KMT2A: variants seen among roughly 807,000 people sequenced by gnomAD.
The protein encoded by KMT2A is lysine methyltransferase 2A, also known as histone-lysine N-methyltransferase 2A.
In KMT2A, 16 loss-of-function variants were observed where a neutral mutation model predicts 345.3. The ratio of observed to expected loss-of-function variants is 0.05; its 90% CI spans 0.03 to 0.07. The LOEUF (loss-of-function observed/expected upper bound fraction) is 0.07. Among genes scored for constraint, KMT2A ranks in the 10% least tolerant of loss-of-function variants. The pLI is 1.00. For synonymous variants in KMT2A, 1,599 were observed against 1,778.6 expected, an observed-to-expected ratio of 0.90 and a Z score of 2.54; for missense variants, 3,272 against 4,841.6, an observed-to-expected ratio of 0.68 and a Z score of 9.62.
intron 28 of KMT2A, among the ~76,000 whole-genome samples, chr11:118,508,760 T>C (rs1950633520): frequency 6.6e-6 from 1 of 152,006 alleles, no homozygotes; most frequent in Non-Finnish European, 1.5e-5. Context: ...TTGTGGTTTA[T>C]AAGCTCATGC....
rs1347189300 is a variant in KMT2A, at chr11:118,501,680, T to C, written c.6328T>C (p.Ser2110Pro). 7.5e-6 allele frequency: 12 copies of C among 1,609,554 alleles called. No homozygotes were observed. The African/African-American group carries it at 1.6e-4, about 22-fold the overall frequency. Reference protein sequence around the residue: ...HSPTSFTESSSKESQNTAEII... With the variant: ...HSPTSFTESSPKESQNTAEII... Reference sequence around the variant, plus strand: ...TTTATTTCCTGCCACAGAAAGTTCATCAAAAGAGAGTCAAAACACAGCTGA... The same window carrying C: ...TTTATTTCCTGCCACAGAAAGTTCACCAAAAGAGAGTCAAAACACAGCTGA... The change falls in exon 26 of 36, where the codon TCA becomes CCA. Residue 2110 changes from serine (S) to proline (P), a missense_variant. By Grantham distance (74) the Ser-to-Pro change is moderately conservative. Around this residue, in one of 27 missense-constraint regions of KMT2A, gnomAD observed 66 missense variants for 73.9 expected, o/e 0.89. Transcript: ENST00000534358.
At chr11:118,445,484 C>T (rs1949399690) in intron 1 of KMT2A, among the ~76,000 whole-genome samples, 1 of 152,156 alleles carries the variant, frequency 6.6e-6, no homozygotes, top group Non-Finnish European at 1.5e-5. Context: ...TCTTGGGCTC[C>T]AGGTTCAGAC....
intron 2 of KMT2A, among the ~76,000 whole-genome samples, chr11:118,470,511 G>A (rs1949925870): frequency 6.6e-6 from 1 of 152,030 alleles, no homozygotes; most frequent in South Asian, 2.1e-4. Context: ...TGGTTTCTCT[G>A]CTGTCTCCTA....
chr11:118,472,519 C>G lies in KMT2A; in HGVS notation c.1360C>G (p.Pro454Ala). The change falls in exon 3 of 36, where the codon CCG becomes GCG. Residue 454 changes from proline (P) to alanine (A), a missense_variant. Coordinates refer to ENST00000534358, the MANE Select transcript of KMT2A (RefSeq NM_001197104.2). ...ESTPNSRFSA[P>A]SCGSSEKSSA... ...TACACCGAATAGTAGATTCAGTGCC[C>G]CGTCCTGTGGATCTTCTGAAAAATC... 6.2e-7 allele frequency: 1 copy of G among 1,613,212 alleles called. No homozygotes were observed. The highest frequency in any genetic ancestry group is 8.5e-7 in the Non-Finnish European group (1 of 1,179,904).
intron 27 of KMT2A, 45 bp downstream of exon 27, chr11:118,506,691 T>C (rs1555048624): frequency 7.9e-6 from 12 of 1,521,134 alleles, no homozygotes; most frequent in South Asian, 7.7e-5. Context: ...TGGGATTTCA[T>C]GTTGTAAATT....
At position 118,522,471 on chromosome 11, in the gene KMT2A, TATAGAG is replaced by T. The variant is rs1373374061; in HGVS notation, c.*300_*305del. On this transcript the variant is annotated 3_prime_UTR_variant, in exon 36 of 36. Transcript: ENST00000534358. The surrounding 1 kb of genome is among the most constrained non-coding windows in gnomAD (Gnocchi z 5.4). ...GCAGACTTGCCTGGAAGGAGCCTAT[TATAGAG>T]GGTTGGTTATGTTGGGAGATTGGGC... The T allele has an allele frequency of 2.7e-6, 1 of 366,296 alleles. No homozygotes were observed. Among genetic ancestry groups the T allele is most frequent in the Non-Finnish European group, 5.1e-6 (1 of 197,720 alleles). The allele number at this position is 366,296 out of a possible 1,614,324, so 22.7% of individuals were successfully genotyped here. A position where few individuals can be genotyped will look rare whatever the true frequency, so the allele number is the denominator to read the frequency against.
chr11:118,497,087 C>T lies in KMT2A; in HGVS notation c.5664+720C>T, dbSNP rs1950421839. 6.6e-6 allele frequency among the ~76,000 whole-genome samples: 1 copy of T among 152,100 alleles called. No individual in the cohort carries two copies. The highest frequency in any genetic ancestry group is 2.1e-4 in the South Asian group (1 of 4,788). On this transcript the variant is annotated intron_variant, in intron 20 of 35. Coordinates refer to ENST00000534358, the MANE Select transcript of KMT2A (RefSeq NM_001197104.2). The surrounding 1 kb of genome is among the most constrained non-coding windows in gnomAD (Gnocchi z 4.8). ...TGGCGTGATCTCGGCTCACTACAAC[C>T]TCCGCCTCCTATGTTCAAGCAATTC...
At position 118,504,418 on chromosome 11, in the gene KMT2A, T is replaced by C; in HGVS notation, c.8526T>C (p.Asp2842=). ...CAGATTCAGACAATAACAACAGTGA[T>C]GACTGTGGGAATATCCTGCCTTCAG... ...LKSDSDNNNS[D]DCGNILPSDI... Residue 2842 remains aspartate (D), a synonymous_variant, in exon 27 of 36, where the codon GAT becomes GAC. Transcript: ENST00000534358. The surrounding 1 kb of genome is among the most constrained non-coding windows in gnomAD (Gnocchi z 6.4). The C allele has an allele frequency of 1.9e-6, 3 of 1,614,168 alleles. No individual in the cohort carries two copies. The highest frequency in any genetic ancestry group is 2.5e-6 in the Non-Finnish European group (3 of 1,180,012).
chr11:118,494,475 CTT>C lies in KMT2A; in HGVS notation c.5289+78_5289+79del, dbSNP rs1234210076. 1.1e-5 allele frequency: 10 copies of C among 912,586 alleles called. No homozygotes were observed. In the East Asian group the frequency reaches 2.1e-4, roughly 19 times the overall value. 56.5% of individuals were successfully genotyped at this position (912,586 alleles called of 1,614,324 possible). Reference sequence around the variant, plus strand: ...CCTGTGAATACAATGAACTTGTTCTCTTCTACTTTTTGCTTTGTGGTGTGTAT... The same window carrying C: ...CCTGTGAATACAATGAACTTGTTCTCCTACTTTTTGCTTTGTGGTGTGTAT... On this transcript the variant is annotated intron_variant, in intron 17 of 35. Coordinates refer to ENST00000534358, the MANE Select transcript of KMT2A (RefSeq NM_001197104.2). The surrounding 1 kb of genome is among the most constrained non-coding windows in gnomAD (Gnocchi z 5.8).
chr11:118,444,704 G>A (rs1208427839), intron 1 of KMT2A, among the ~76,000 whole-genome samples: 2 of 152,150 alleles, frequency 1.3e-5, no homozygotes, highest in African/African-American at 4.8e-5. Context: ...CTCCTAAGTA[G>A]CTGGGACTAC....
intron 1 of KMT2A, among the ~76,000 whole-genome samples, chr11:118,451,572 A>G (rs1949538456): frequency 6.6e-6 from 1 of 151,964 alleles, no homozygotes; most frequent in South Asian, 2.1e-4. Context: ...TGTTTTTAGT[A>G]GAGACGGGGT....
At chr11:118,465,345 G>C (rs564383105) in intron 1 of KMT2A, among the ~76,000 whole-genome samples, 170 of 152,246 alleles carry the variant, frequency 1.1e-3, no homozygotes, top group African/African-American at 3.8e-3. Flanking sequence ...AGTTCTTTAG[G>C]GATGGGCTAA....
At chr11:118,440,436 C>A (rs1416737342) in intron 1 of KMT2A, among the ~76,000 whole-genome samples, 1 of 152,104 alleles carries the variant, frequency 6.6e-6, no homozygotes, top group Non-Finnish European at 1.5e-5. Context: ...TGTACTTTGC[C>A]ATCTAAATAA....
intron 8 of KMT2A, among the ~76,000 whole-genome samples, chr11:118,483,247 AAGT>A (rs1368964246): frequency 6.9e-6 from 1 of 143,964 alleles, no homozygotes; most frequent in Non-Finnish European, 1.5e-5. Flanking sequence ...AAAAAAAAAA[AAGT>A]AGCCGGGCAC....
At position 118,503,156 on chromosome 11, in the gene KMT2A, G is replaced by A. The variant is rs782455453; in HGVS notation, c.7264G>A (p.Gly2422Arg). ...ATCATCCATTATCAACGAACATATG[G>A]GATCTAGTTCCAGAGATAGGAGACA... The part of the protein sequence containing the change: ...NRSSIINEHM[G>R]SSSRDRRQKG... The change falls in exon 27 of 36, where the codon GGA (glycine) becomes AGA (arginine). Residue 2422 changes from glycine (G) to arginine (R), a missense_variant. Physicochemically the swap from Gly to Arg is moderately radical, Grantham distance 125. Transcript: ENST00000534358. The surrounding 1 kb of genome is among the most constrained non-coding windows in gnomAD (Gnocchi z 5.3). 6.2e-7 allele frequency: 1 copy of A among 1,613,872 alleles called. No homozygotes were observed. Among genetic ancestry groups the A allele is most frequent in the African/African-American group, 1.3e-5 (1 of 75,008 alleles).
intron 3 of KMT2A, among the ~76,000 whole-genome samples, chr11:118,475,895 G>A (rs1950028615): frequency 6.6e-6 from 1 of 152,086 alleles, no homozygotes; most frequent in East Asian, 1.9e-4. Context: ...CATTTCTTTT[G>A]GAGCCTTTTA....
At chr11:118,469,865 G>C (rs1949912940) in intron 2 of KMT2A, among the ~76,000 whole-genome samples, 1 of 152,192 alleles carries the variant, frequency 6.6e-6, no homozygotes, top group South Asian at 2.1e-4. Context: ...TCTTAAAGAG[G>C]AGTGGTATTG....
At position 118,472,227 on chromosome 11, in the gene KMT2A, G is replaced by A; in HGVS notation, c.1068G>A (p.Lys356=). ...TVVRQSPRRI[K]PVRIIPSSKR... ...TCAGACAAAGCCCTCGAAGGATTAAGCCAGTTAGGATTATTCCTTCTTCAA... is the reference window on the plus strand; with the variant it reads ...TCAGACAAAGCCCTCGAAGGATTAAACCAGTTAGGATTATTCCTTCTTCAA... The change falls in exon 3 of 36, where the codon AAG becomes AAA. Residue 356 remains lysine (K), a synonymous_variant. Coordinates refer to ENST00000534358, the MANE Select transcript of KMT2A (RefSeq NM_001197104.2). 3 of 1,613,994 alleles carry A rather than the reference G, an allele frequency of 1.9e-6. No individual in the cohort carries two copies. Among genetic ancestry groups the A allele is most frequent in the Non-Finnish European group, 2.5e-6 (3 of 1,179,996 alleles).
At chr11:118,508,784 G>A (rs577449342) in intron 28 of KMT2A, among the ~76,000 whole-genome samples, 1 of 149,760 alleles carries the variant, frequency 6.7e-6, no homozygotes, top group East Asian at 1.9e-4. Context: ...TTATTTTTTA[G>A]TTTTAGTTAA....
Sources: gnomAD v4.1 joint callset for allele counts (sites outside exome capture counted in the v4.1 genomes callset) on GRCh38, gnomAD v4.1.1 for gene constraint, gnomAD v4.1.1 regional missense constraint, Gnocchi (gnomAD v3.1) non-coding constraint, MANE v1.5 for transcripts, NCBI Gene and HGNC (gene_info 2026-07-23, HGNC 2026-07-21) for gene names.